Variants in ZNF500 observed in about 807,000 individuals in gnomAD.
ZNF500 encodes zinc finger protein with KRAB and SCAN domains 18.
ZNF500 carries 31 observed loss-of-function variants against 30.1 expected under a neutral mutation model. That is an observed-to-expected ratio of 1.03 (90% CI 0.77 to 1.39). The LOEUF (loss-of-function observed/expected upper bound fraction) is 1.39, where lower values mean the gene tolerates loss of function less well. Among genes scored for constraint, ZNF500 ranks in the 40% most tolerant of loss-of-function variants. The probability of loss-of-function intolerance (pLI) is 0.00; values close to 1 mark genes in which losing one functional copy is unlikely to be tolerated. For missense variants in ZNF500, 817 were observed against 657.8 expected (o/e 1.24, Z -2.65); for synonymous variants, 392 against 282.0 (o/e 1.39, Z -3.91).
intron 5 of ZNF500, among the ~76,000 whole-genome samples, chr16:4,754,847 G>T (rs2082120222): frequency 6.6e-6 from 1 of 152,104 alleles, no homozygotes; most frequent in African/African-American, 2.4e-5. Flanking sequence ...GGTGGGGCCT[G>T]GTGGGAGGTG....
At chr16:4,763,893 G>A in intron 2 of ZNF500, 1 of 985,442 alleles carries the variant, frequency 1.0e-6, no homozygotes, top group Non-Finnish European at 1.2e-6. Context: ...GGCCAGCAGT[G>A]TGCAGCCAGC....
downstream of ZNF500, chr16:4,748,139 C>G (rs1377391286): frequency 6.5e-6 from 1 of 153,078 alleles, no homozygotes; most frequent in South Asian, 2.0e-4. Flanking sequence ...CCTACCCACA[C>G]AGATCTAATA....
chr16:4,765,498 C>T, intron 2 of ZNF500, 67 bp downstream of exon 2: 1 of 1,519,320 alleles, frequency 6.6e-7, no homozygotes, highest in South Asian at 1.3e-5. Context: ...ACCAAGGAAT[C>T]TGCAGCTGCA....
downstream of ZNF500, chr16:4,744,793 G>T: frequency 6.6e-7 from 1 of 1,507,686 alleles, no homozygotes; most frequent in Non-Finnish European, 9.1e-7. Context: ...GACCCCAGGG[G>T]TCCTGAGGCT....
At chr16:4,766,483 G>A (rs2082266397) in intron 1 of ZNF500, among the ~76,000 whole-genome samples, 1 of 152,110 alleles carries the variant, frequency 6.6e-6, no homozygotes. Context: ...AGCCCGACAT[G>A]GTGGTAGCAC....
chr16:4,763,046 C>A (rs2082224961), intron 2 of ZNF500: 3 of 985,404 alleles, frequency 3.0e-6, no homozygotes. Context: ...GCCAGAAGAG[C>A]CCTGAGTCAG....
rs370131103 is a variant in ZNF500 at position 4,760,502 on chromosome 16, C to T, written c.750G>A (p.Leu250=). Residue 250 remains leucine (L), a synonymous_variant, in exon 5 of 6, where the codon CTG becomes CTA. Coordinates refer to ENST00000219478, the MANE Select transcript of ZNF500 (RefSeq NM_021646.4). ...TCACTTGCAAGTTACCTTCATTCTC[C>T]AGCGGCGCGTCCCGCTGAGCTGGGT... The part of the protein sequence containing the change: ...CMDPAQRDAP[L]ENEGPGIQLE... 14 of 1,613,504 alleles carry T rather than the reference C, an allele frequency of 8.7e-6. No individual in the cohort carries two copies. In the African/African-American group the frequency reaches 1.7e-4, roughly 20 times the overall value.
At chr16:4,747,197 C>G (rs1316941155), downstream of ZNF500, 1 of 1,217,476 alleles carries the variant, frequency 8.2e-7, no homozygotes, top group Non-Finnish European at 1.2e-6. Context: ...TGGGTCCCAG[C>G]AGTGGCAGCA....
rs779131155 is a variant in ZNF500, at chr16:4,762,648, G to A, written c.523C>T (p.Arg175Ter). The A allele has an allele frequency of 2.5e-6, 4 of 1,613,912 alleles. No individual in the cohort carries two copies. Among genetic ancestry groups the A allele is most frequent in the East Asian group, 2.2e-5 (1 of 44,898 alleles). ...PEDLSLEEEARFSSQQPPAQL... is the reference protein window; with the variant it reads ...PEDLSLEEEA ...GCTGGGGGCTGCTGGCTGGAGAATC[G>A]AGCCTCTTCCTCCAGGGACAGATCC... Residue 175 changes from arginine (R) to a stop codon, truncating the protein, a stop_gained, in exon 3 of 6, where the codon CGA becomes TGA. Coordinates refer to ENST00000219478, the MANE Select transcript of ZNF500 (RefSeq NM_021646.4). LOFTEE classifies it high-confidence loss of function.
chr16:4,764,440 C>G (rs1210718156), intron 2 of ZNF500, among the ~76,000 whole-genome samples: 4 of 151,732 alleles, frequency 2.6e-5, no homozygotes, highest in Admixed American at 2.6e-4. Flanking sequence ...GCACGAGAAT[C>G]ACTCCAGCCT....
intron 5 of ZNF500, among the ~76,000 whole-genome samples, chr16:4,755,114 A>G (rs1458126892): frequency 6.6e-6 from 1 of 151,998 alleles, no homozygotes; most frequent in Non-Finnish European, 1.5e-5. Context: ...AGCCAATTAA[A>G]CCTTTTTTCT....
At chr16:4,763,451 GA>G (rs1158614577) in intron 2 of ZNF500, among the ~76,000 whole-genome samples, 1 of 151,948 alleles carries the variant, frequency 6.6e-6, no homozygotes, top group Non-Finnish European at 1.5e-5. Flanking sequence ...CAGGTGCTCT[GA>G]GATGATCTAT....
In ZNF500 at chr16:4,757,192, A is replaced by G. The variant is rs1383440211; in HGVS notation, c.760+3300T>C. ...TATGTGAATTTCTTTTTCTTTGAGC[A>G]GCAGCAAGATTTATTACGAAGAGTG... On this transcript the variant is annotated intron_variant, in intron 5 of 5. Coordinates refer to ENST00000219478, the MANE Select transcript of ZNF500 (RefSeq NM_021646.4). 1.3e-5 allele frequency among the ~76,000 whole-genome samples: 2 copies of G among 152,212 alleles called. 1 individual carries two copies. The highest frequency in any genetic ancestry group is 1.3e-4 in the Admixed American group (2 of 15,270).
chr16:4,746,416 CGCAGCTGGCCCAGGGCATGAGGCTT>C, downstream of ZNF500: 1 of 1,613,370 alleles, frequency 6.2e-7, no homozygotes, highest in African/African-American at 1.3e-5. Context: ...GGGCCAGGCC[CGCAGCTGGCCCAGGGCATGAGGCTT>C]AACGCAGAGT....
intron 2 of ZNF500, among the ~76,000 whole-genome samples, chr16:4,764,411 A>G (rs982746072): frequency 6.6e-6 from 1 of 152,182 alleles, no homozygotes; most frequent in African/African-American, 2.4e-5. Flanking sequence ...CTGTAATGCC[A>G]GCTACTTGGG....
chr16:4,757,506 C>T (rs1344859221), intron 5 of ZNF500, among the ~76,000 whole-genome samples: 1 of 152,092 alleles, frequency 6.6e-6, no homozygotes, highest in East Asian at 1.9e-4. Context: ...CTCCATATTG[C>T]TCAGGCTGGT....
In ZNF500 at chr16:4,752,237, A is replaced by C. The variant is rs1359009068; in HGVS notation, c.*139T>G. On this transcript the variant is annotated 3_prime_UTR_variant, in exon 6 of 6. Coordinates refer to ENST00000219478, the MANE Select transcript of ZNF500 (RefSeq NM_021646.4). The stretch of plus-strand genomic sequence containing the variant: ...CTTCCTCTGCGGCCTGGGCATCCCA[A>C]ATGTCCCCTGCTGGCCTCATACTGG... 2 of 1,422,844 alleles carry C rather than the reference A, an allele frequency of 1.4e-6. No individual in the cohort carries two copies. The highest frequency in any genetic ancestry group is 2.5e-5 in the East Asian group (1 of 39,756). 88.1% of individuals were successfully genotyped at this position (1,422,844 alleles called of 1,614,324 possible).
At chr16:4,761,504 CACACACACACACACACACACACAT>C (rs1036000683) in intron 4 of ZNF500, among the ~76,000 whole-genome samples, 2 of 149,080 alleles carry the variant, frequency 1.3e-5, no homozygotes, top group African/African-American at 2.5e-5. Context: ...CACACACACA[CACACACACACACACACACACACAT>C]ATAAAAATTA....
At chr16:4,753,178 G>A in intron 5 of ZNF500, 120 bp from the exon 6 acceptor site, 1 of 1,428,112 alleles carries the variant, frequency 7.0e-7, no homozygotes, top group South Asian at 1.6e-5. Flanking sequence ...CATTTAGCAG[G>A]GGCTGGGCAC....
Sources: gnomAD v4.1 joint callset for allele counts (sites outside exome capture counted in the v4.1 genomes callset) on GRCh38, gnomAD v4.1.1 for gene constraint, MANE v1.5 for transcripts, NCBI Gene and HGNC (gene_info 2026-07-23, HGNC 2026-07-21) for gene names.